Variants in VRK2 observed in about 807,000 individuals in gnomAD.
VRK2 encodes the protein VRK serine/threonine kinase 2, also known as serine/threonine-protein kinase VRK2.
A neutral mutation model predicts 57.6 loss-of-function variants in VRK2; 60 were observed. That is an observed-to-expected ratio of 1.04 (90% CI 0.85 to 1.29). The LOEUF (loss-of-function observed/expected upper bound fraction) is 1.29. VRK2 is among the 50% of genes most tolerant of loss of function. VRK2 has a pLI of 0.00. For synonymous variants in VRK2, 231 were observed against 199.2 expected, an observed-to-expected ratio of 1.16 and a Z score of -1.35; for missense variants, 705 against 588.1, an observed-to-expected ratio of 1.20 and a Z score of -2.06.
chr2:57,947,719 T>G (rs567721863), intron 1 of VRK2, among the ~76,000 whole-genome samples: 1 of 152,336 alleles, frequency 6.6e-6, no homozygotes, highest in African/African-American at 2.4e-5. Context: ...ACCTGTTGCC[T>G]GACTCACACT....
chr2:57,995,742 T>A (rs1553373169), intron 1 of VRK2, among the ~76,000 whole-genome samples: 1 of 152,218 alleles, frequency 6.6e-6, no homozygotes, highest in Non-Finnish European at 1.5e-5. Context: ...ATCAAAATAA[T>A]AAGTGTTACT....
chr2:57,914,911 T>G (rs557899070), intron 1 of VRK2, among the ~76,000 whole-genome samples: 11 of 152,120 alleles, frequency 7.2e-5, no homozygotes, highest in Non-Finnish European at 1.5e-4. Flanking sequence ...ACATTACTAC[T>G]CAAACAATTT....
At chr2:57,968,440 A>T (rs1671987912) in intron 1 of VRK2, among the ~76,000 whole-genome samples, 1 of 152,098 alleles carries the variant, frequency 6.6e-6, no homozygotes, top group African/African-American at 2.4e-5. Flanking sequence ...ATTCTAATGA[A>T]ATGCTTGATT....
At chr2:58,016,417 G>A (rs1042378400) in intron 1 of VRK2, among the ~76,000 whole-genome samples, 1 of 152,104 alleles carries the variant, frequency 6.6e-6, no homozygotes, top group African/African-American at 2.4e-5. Flanking sequence ...CGCAATCTTG[G>A]CTCACTGCAA....
chr2:58,113,021 C>A (rs932878992), intron 7 of VRK2, among the ~76,000 whole-genome samples: 1 of 152,008 alleles, frequency 6.6e-6, no homozygotes, highest in Non-Finnish European at 1.5e-5. Context: ...AAGACAATTG[C>A]ATTTCTAGGC....
chr2:57,945,912 T>C (rs1181937401), intron 1 of VRK2, among the ~76,000 whole-genome samples: 2 of 152,202 alleles, frequency 1.3e-5, no homozygotes, highest in East Asian at 3.8e-4. Flanking sequence ...GTTATTATAA[T>C]GAATGATTTA....
intron 3 of VRK2, among the ~76,000 whole-genome samples, chr2:58,040,754 A>G (rs1674423876): frequency 6.6e-6 from 1 of 152,228 alleles, no homozygotes; most frequent in Admixed American, 6.5e-5. Flanking sequence ...TGTCAACAGT[A>G]GATACCAACC....
upstream of VRK2, among the ~76,000 whole-genome samples, chr2:58,042,413 T>C (rs1436984863): frequency 2.6e-5 from 4 of 152,222 alleles, no homozygotes; most frequent in Admixed American, 2.6e-4. Context: ...TGTAAGTTTA[T>C]GAGTGCAAAT....
At chr2:58,112,753 C>T (rs1382435773) in intron 7 of VRK2, among the ~76,000 whole-genome samples, 3 of 151,936 alleles carry the variant, frequency 2.0e-5, no homozygotes, top group Non-Finnish European at 4.4e-5. Flanking sequence ...GTGAATGAGC[C>T]CAAACAACAG....
At position 58,092,909 on chromosome 2, in the gene VRK2, C is replaced by T. The variant is rs561246927; in HGVS notation, c.543+3186C>T. 2.0e-4 allele frequency among the ~76,000 whole-genome samples: 30 copies of T among 152,136 alleles called. 1 individual carries two copies. Among genetic ancestry groups the T allele is most frequent in the South Asian group, 1.9e-3 (9 of 4,820 alleles). ...ATTCCCACCTATGAGTAAGAACATGCGGTGTTTGGTTTTTTGTTCTTGCGA... is the reference window on the plus strand; with the variant it reads ...ATTCCCACCTATGAGTAAGAACATGTGGTGTTTGGTTTTTTGTTCTTGCGA... On this transcript the variant is annotated intron_variant, in intron 7 of 12. Coordinates refer to ENST00000340157, the MANE Select transcript of VRK2 (RefSeq NM_006296.7).
At chr2:58,083,429 G>T (rs1040334901) in intron 2 of VRK2, among the ~76,000 whole-genome samples, 6 of 151,632 alleles carry the variant, frequency 4.0e-5, no homozygotes, top group African/African-American at 1.4e-4. Flanking sequence ...TTAAAAGTAG[G>T]GTTATACCAT....
intron 1 of VRK2, among the ~76,000 whole-genome samples, chr2:57,916,128 C>T (rs997763391): frequency 1.3e-5 from 2 of 152,054 alleles, no homozygotes; most frequent in African/African-American, 2.4e-5. Context: ...CCACCAAGGG[C>T]GGGCGCGGTG....
chr2:58,151,638 T>G (rs1683044076), intron 12 of VRK2, among the ~76,000 whole-genome samples: 1 of 151,312 alleles, frequency 6.6e-6, no homozygotes, highest in Non-Finnish European at 1.5e-5. Flanking sequence ...GTTTGCTTTC[T>G]TTTTGCCCCA....
chr2:58,012,724 A>C (rs572101478), intron 1 of VRK2, among the ~76,000 whole-genome samples: 2 of 152,356 alleles, frequency 1.3e-5, no homozygotes, highest in South Asian at 4.1e-4. Context: ...CCAGACACTT[A>C]AGAAATTCCA....
At chr2:57,951,362 G>C (rs1671422577) in intron 1 of VRK2, among the ~76,000 whole-genome samples, 1 of 152,182 alleles carries the variant, frequency 6.6e-6, no homozygotes. Flanking sequence ...GACGAGCAAA[G>C]AAAGTGGTTT....
chr2:58,142,715 A>G (rs781264259), intron 11 of VRK2, among the ~76,000 whole-genome samples: 2 of 151,884 alleles, frequency 1.3e-5, no homozygotes, highest in African/African-American at 2.4e-5. Flanking sequence ...TAGAATTCCC[A>G]GATAAGAATG....
chr2:57,923,366 T>C (rs1670418577), intron 1 of VRK2, among the ~76,000 whole-genome samples: 1 of 152,066 alleles, frequency 6.6e-6, no homozygotes, highest in African/African-American at 2.4e-5. Flanking sequence ...AGGGTTCTCT[T>C]TTCTCCACAT....
In VRK2 at chr2:58,136,959, A is replaced by ATATATATCATATAT. The variant is rs1558685307; in HGVS notation, c.856+1775_856+1788dup. 3.0e-5 allele frequency among the ~76,000 whole-genome samples: 4 copies of ATATATATCATATAT among 132,638 alleles called. No individual in the cohort carries two copies. In the South Asian group the frequency reaches 8.7e-4, roughly 29 times the overall value. The allele number at this position is 132,638 out of a possible 152,430, so 87.0% of individuals were successfully genotyped here. The stretch of plus-strand genomic sequence containing the variant: ...TATATATTATATATCATATATGTGT[A>ATATATATCATATAT]TATATATCATATATTATATATCATA... On this transcript the variant is annotated intron_variant, in intron 10 of 12. Coordinates refer to ENST00000340157, the MANE Select transcript of VRK2 (RefSeq NM_006296.7).
At chr2:58,008,953 C>T (rs935545887) in intron 1 of VRK2, among the ~76,000 whole-genome samples, 1 of 152,072 alleles carries the variant, frequency 6.6e-6, no homozygotes, top group Admixed American at 6.6e-5. Context: ...CTGCATCCCA[C>T]AGAGAAGGAG....
Sources: allele counts gnomAD v4.1 joint callset (sites outside exome capture counted in the v4.1 genomes callset), GRCh38; gene constraint gnomAD v4.1.1; transcripts MANE v1.5; gene names NCBI Gene and HGNC (gene_info 2026-07-23, HGNC 2026-07-21).